Variants in WWOX observed in about 807,000 individuals in gnomAD.
WWOX encodes WW domain-containing oxidoreductase.
Under a neutral mutation model 46.2 loss-of-function variants are expected in WWOX, and 69 were observed. That is an observed-to-expected ratio of 1.49 (90% CI 1.23 to 1.82). The LOEUF is 1.82. Ranked by LOEUF, WWOX falls within the 40% of genes most tolerant of loss-of-function variation. The pLI, the probability that WWOX is intolerant of heterozygous loss-of-function variation, is 0.00. For missense variants in WWOX, 919 were observed against 542.6 expected, an observed-to-expected ratio of 1.69 and a Z score of -6.89; for synonymous variants, 359 against 202.6, an observed-to-expected ratio of 1.77 and a Z score of -6.56.
At chr16:78,545,772 C>G (rs1234651674) in intron 8 of WWOX, among the ~76,000 whole-genome samples, 5 of 152,102 alleles carry the variant, frequency 3.3e-5, no homozygotes, top group Non-Finnish European at 5.9e-5. Context: ...CTGGCAGGGT[C>G]TCTCTGAGGC....
intron 8 of WWOX, among the ~76,000 whole-genome samples, chr16:78,884,889 T>A (rs1246732647): frequency 1.3e-5 from 2 of 152,218 alleles, no homozygotes; most frequent in African/African-American, 4.8e-5. Flanking sequence ...AATAATAATA[T>A]AAAGCACAAT....
intron 8 of WWOX, among the ~76,000 whole-genome samples, chr16:78,947,002 G>A (rs145830949): frequency 1.3e-5 from 2 of 151,432 alleles, no homozygotes; most frequent in Admixed American, 6.6e-5. Flanking sequence ...GAGGGACTTT[G>A]TTCCCCCTCA....
rs147517436 is a variant in WWOX at position 78,389,609 on chromosome 16, C to G, written c.605+2661C>G. ...CCTTGGGAGTAGATGCTATTAATAT[C>G]TCTACTATACAGATAAGGAAAGTGA... is the stretch of plus-strand genomic sequence containing the variant. On this transcript the variant is annotated intron_variant, in intron 6 of 8. Coordinates refer to ENST00000566780, the MANE Select transcript of WWOX (RefSeq NM_016373.4). Among the ~76,000 whole-genome samples, 233 of 152,248 alleles carry G rather than the reference C, an allele frequency of 1.5e-3. 1 individual carries two copies. The highest frequency in any genetic ancestry group is 5.2e-3 in the African/African-American group (218 of 41,540).
chr16:78,978,214 T>C (rs1235795618), intron 8 of WWOX, among the ~76,000 whole-genome samples: 1 of 152,256 alleles, frequency 6.6e-6, no homozygotes, highest in East Asian at 1.9e-4. Flanking sequence ...TGTATATTGA[T>C]ACCACAGTTG....
intron 8 of WWOX, among the ~76,000 whole-genome samples, chr16:78,784,316 C>A (rs1472405837): frequency 1.3e-5 from 2 of 152,140 alleles, no homozygotes; most frequent in Non-Finnish European, 2.9e-5. Context: ...GCCCTGACTC[C>A]TTTTGTGACC....
At chr16:78,611,600 T>A (rs558807827) in intron 8 of WWOX, among the ~76,000 whole-genome samples, 8 of 152,348 alleles carry the variant, frequency 5.3e-5, no homozygotes, top group African/African-American at 1.9e-4. Context: ...TTCAGAGAGT[T>A]ATTTTGGCAA....
At chr16:78,105,209 C>G (rs1158419100) in intron 1 of WWOX, among the ~76,000 whole-genome samples, 1 of 152,198 alleles carries the variant, frequency 6.6e-6, no homozygotes, top group Non-Finnish European at 1.5e-5. Context: ...CGCCTGTAAT[C>G]CCAGCACTTT....
At chr16:78,898,976 A>G (rs1468788389) in intron 8 of WWOX, 1 of 152,100 alleles carries the variant, frequency 6.6e-6, no homozygotes, top group Non-Finnish European at 1.5e-5. Context: ...TGTGATCTTA[A>G]AATTTATTTA....
At chr16:78,915,248 T>G (rs1012803060) in intron 8 of WWOX, among the ~76,000 whole-genome samples, 1 of 152,192 alleles carries the variant, frequency 6.6e-6, no homozygotes, top group African/African-American at 2.4e-5. Flanking sequence ...AGGGTTCCCT[T>G]TACATGACCA....
intron 5 of WWOX, among the ~76,000 whole-genome samples, chr16:78,261,136 G>T (rs930520474): frequency 7.3e-5 from 11 of 150,560 alleles, no homozygotes; most frequent in Non-Finnish European, 1.3e-4. Context: ...TAAGTAAAAT[G>T]AAACAACTTG....
chr16:78,624,526 C>G (rs138718863), intron 8 of WWOX, among the ~76,000 whole-genome samples: 127 of 152,314 alleles, frequency 8.3e-4, no homozygotes, highest in Non-Finnish European at 1.5e-3. Flanking sequence ...TTAATAGCTT[C>G]TGTGTGTTTC....
intron 8 of WWOX, among the ~76,000 whole-genome samples, chr16:78,654,567 T>C (rs895963054): frequency 7.9e-5 from 12 of 152,216 alleles, no homozygotes; most frequent in African/African-American, 2.9e-4. Context: ...TTTCAGATTC[T>C]GATTTCTCCG....
intron 8 of WWOX, among the ~76,000 whole-genome samples, chr16:79,002,501 G>T (rs187303009): frequency 7.2e-5 from 11 of 152,116 alleles, no homozygotes; most frequent in African/African-American, 2.4e-4. Flanking sequence ...GGGATTACAG[G>T]TGTGAGCCAC....
At chr16:78,651,271 AGCGAGTGAGT>A (rs1317718808) in intron 8 of WWOX, among the ~76,000 whole-genome samples, 3 of 152,240 alleles carry the variant, frequency 2.0e-5, no homozygotes, top group African/African-American at 7.2e-5. Context: ...AATGAGAGAG[AGCGAGTGAGT>A]GCGAGCGAGA....
At chr16:78,784,463 T>C (rs2050406414) in intron 8 of WWOX, among the ~76,000 whole-genome samples, 1 of 152,014 alleles carries the variant, frequency 6.6e-6, no homozygotes, top group Admixed American at 6.6e-5. Flanking sequence ...CATTAGGGAT[T>C]ATTAATATAC....
intron 8 of WWOX, among the ~76,000 whole-genome samples, chr16:79,085,112 T>C (rs1201990199): frequency 6.6e-6 from 1 of 152,186 alleles, no homozygotes; most frequent in Non-Finnish European, 1.5e-5. Context: ...TATACATATA[T>C]ATATACAATA....
chr16:78,720,888 T>A (rs2048673633), intron 8 of WWOX, among the ~76,000 whole-genome samples: 1 of 152,140 alleles, frequency 6.6e-6, no homozygotes, highest in Non-Finnish European at 1.5e-5. Context: ...AATTTGGTCC[T>A]AACTAAAAGA....
At chr16:79,123,191 C>T (rs1158270734) in intron 8 of WWOX, among the ~76,000 whole-genome samples, 1 of 151,968 alleles carries the variant, frequency 6.6e-6, no homozygotes, top group Non-Finnish European at 1.5e-5. Flanking sequence ...GGTCTGTGCT[C>T]AACAGCCAGG....
At chr16:78,356,863 C>G (rs946017350) in intron 5 of WWOX, among the ~76,000 whole-genome samples, 8 of 152,084 alleles carry the variant, frequency 5.3e-5, no homozygotes, top group Non-Finnish European at 1.0e-4. Flanking sequence ...GCCTGGCAGA[C>G]AGAGTGAGAC....
Sources: allele counts gnomAD v4.1 joint callset (sites outside exome capture counted in the v4.1 genomes callset), GRCh38; gene constraint gnomAD v4.1.1; transcripts MANE v1.5; gene names NCBI Gene and HGNC (gene_info 2026-07-23, HGNC 2026-07-21).